GALNT9: variants seen among roughly 807,000 people sequenced by gnomAD.
The protein encoded by GALNT9 is polypeptide N-acetylgalactosaminyltransferase 9, also known as GalNAc transferase 9.
A neutral mutation model predicts 63.1 loss-of-function variants in GALNT9; 47 were observed. The observed-to-expected ratio is 0.75, with a 90% CI of 0.59 to 0.95. The LOEUF (loss-of-function observed/expected upper bound fraction) is 0.95, where lower values mean the gene tolerates loss of function less well. Among genes scored for constraint, GALNT9 ranks in the 40% least tolerant of loss-of-function variants. The pLI, the probability that GALNT9 is intolerant of heterozygous loss-of-function variation, is 0.00. For missense variants in GALNT9, 829 were observed against 874.8 expected (o/e 0.95, Z 0.66); for synonymous variants, 396 against 365.7 (o/e 1.08, Z -0.94).
At chr12:132,297,804 A>T (rs1433479866) in intron 1 of GALNT9, among the ~76,000 whole-genome samples, 1 of 151,770 alleles carries the variant, frequency 6.6e-6, no homozygotes, top group Admixed American at 6.6e-5. Flanking sequence ...ACTCACTCTC[A>T]TAATAACCAA....
Position 132,197,143 on chromosome 12 carries a change from C to T in GALNT9, c.1776G>A (p.Trp592Ter). ...CGTGTTTGATCCAGTTTCTGATCAT[C>T]CACTTCTGCCCCGAGCACCTCTGTA... is the stretch of plus-strand genomic sequence containing the variant. ...LVVQRCSGQKWMIRNWIKHAR... is the reference protein window; with the variant it reads ...LVVQRCSGQK The change falls in exon 11 of 11, where the codon TGG (tryptophan) becomes TGA (stop). Residue 592 changes from tryptophan (W) to a stop codon, truncating the protein, a stop_gained. Coordinates refer to ENST00000328957, the MANE Select transcript of GALNT9 (RefSeq NM_001122636.2). LOFTEE classifies it high-confidence loss of function. 2 of 1,614,152 alleles carry T rather than the reference C, an allele frequency of 1.2e-6. No homozygotes were observed.
At chr12:132,214,388 C>G (rs577155597) in intron 6 of GALNT9, among the ~76,000 whole-genome samples, 1 of 152,312 alleles carries the variant, frequency 6.6e-6, no homozygotes, top group South Asian at 2.1e-4. Context: ...CTCACTAGCC[C>G]GAGAGGCCTG....
At chr12:132,328,476 G>C (rs1233311435) in intron 1 of GALNT9, among the ~76,000 whole-genome samples, 1 of 152,196 alleles carries the variant, frequency 6.6e-6, no homozygotes, top group Non-Finnish European at 1.5e-5. Context: ...CGAAGCATTT[G>C]GGGTGCCTTC....
chr12:132,261,261 G>A, intron 3 of GALNT9, 139 bp from the exon 4 acceptor site: 1 of 1,319,144 alleles, frequency 7.6e-7, no homozygotes, highest in Non-Finnish European at 1.0e-6. Context: ...TGAACCACAT[G>A]TGGTTCAGCG....
At chr12:132,214,596 G>A (rs983786221) in intron 6 of GALNT9, among the ~76,000 whole-genome samples, 4 of 152,208 alleles carry the variant, frequency 2.6e-5, no homozygotes, top group African/African-American at 7.2e-5. Flanking sequence ...CTGCTGAGAC[G>A]ATGGAAGCCA....
At chr12:132,230,395 G>T (rs1190706788) in intron 6 of GALNT9, among the ~76,000 whole-genome samples, 2 of 152,208 alleles carry the variant, frequency 1.3e-5, no homozygotes, top group Non-Finnish European at 2.9e-5. Context: ...AAGGAGCTGG[G>T]GTACAAACCA....
chr12:132,314,747 C>A (rs1868420953), intron 1 of GALNT9, among the ~76,000 whole-genome samples: 1 of 152,192 alleles, frequency 6.6e-6, no homozygotes, highest in African/African-American at 2.4e-5. Flanking sequence ...GTATGGCAGT[C>A]ATTCGGTGAA....
intron 2 of GALNT9, among the ~76,000 whole-genome samples, chr12:132,271,062 C>T (rs73471598): frequency 0.078 from 11,864 of 152,158 alleles, 1,150 homozygotes; most frequent in African/African-American, 0.23. Flanking sequence ...TGCCGCCGTC[C>T]GCTGCTTCTC....
In GALNT9 at chr12:132,197,016, C is replaced by T; in HGVS notation, c.*91G>A. On this transcript the variant is annotated 3_prime_UTR_variant, in exon 11 of 11. Coordinates refer to ENST00000328957, the MANE Select transcript of GALNT9 (RefSeq NM_001122636.2). ...TGGCCGCACATAGAGCCCTGTCCTGCTGTGTCTGCCGGGCACACCCCGGTC... is the reference window on the plus strand; with the variant it reads ...TGGCCGCACATAGAGCCCTGTCCTGTTGTGTCTGCCGGGCACACCCCGGTC... The T allele has an allele frequency of 6.4e-7, 1 of 1,567,374 alleles. No individual in the cohort carries two copies. Among genetic ancestry groups the T allele is most frequent in the Middle Eastern group, 2.1e-4 (1 of 4,672 alleles).
At chr12:132,249,298 T>C (rs1236573107) in intron 5 of GALNT9, among the ~76,000 whole-genome samples, 2 of 152,236 alleles carry the variant, frequency 1.3e-5, no homozygotes, top group African/African-American at 4.8e-5. Flanking sequence ...TGAGCTTCCC[T>C]GATCCTCCTC....
chr12:132,318,862 G>A (rs374912712), intron 1 of GALNT9, among the ~76,000 whole-genome samples: 2 of 152,188 alleles, frequency 1.3e-5, no homozygotes, highest in Non-Finnish European at 2.9e-5. Context: ...CACTCCTCCC[G>A]CCCTCTGCCA....
chr12:132,239,423 GAGAC>G (rs1299495210), intron 6 of GALNT9, among the ~76,000 whole-genome samples: 3 of 151,478 alleles, frequency 2.0e-5, no homozygotes, highest in Admixed American at 6.6e-5. Flanking sequence ...GAGAGACTGA[GAGAC>G]AGAGAGACAG....
chr12:132,198,696 G>A (rs1230835748), intron 9 of GALNT9, among the ~76,000 whole-genome samples: 1 of 152,264 alleles, frequency 6.6e-6, no homozygotes, highest in East Asian at 1.9e-4. Context: ...TCGCTCTGTT[G>A]CCCAGGATGG....
chr12:132,230,779 G>A (rs1306628418), intron 6 of GALNT9, among the ~76,000 whole-genome samples: 1 of 152,248 alleles, frequency 6.6e-6, no homozygotes, highest in South Asian at 2.1e-4. Context: ...ATGTGTTAAC[G>A]GGGTAACAGT....
chr12:132,209,386 A>G (rs1262211832), intron 6 of GALNT9, among the ~76,000 whole-genome samples: 1 of 151,660 alleles, frequency 6.6e-6, no homozygotes, highest in Non-Finnish European at 1.5e-5. Context: ...AAATAAATAA[A>G]TAAAAAATAA....
Position 132,236,325 on chromosome 12 carries a change from G to A in GALNT9, c.1077+11585C>T, listed in dbSNP as rs1306525138. ...GGGGGTCGCGGTGGGCCTGGGTCGG[G>A]GCCAAGGGAGCCACATCCAGTGTGG... On this transcript the variant is annotated intron_variant, in intron 6 of 10. Coordinates refer to ENST00000328957, the MANE Select transcript of GALNT9 (RefSeq NM_001122636.2). The surrounding 1 kb of genome is among the most constrained non-coding windows in gnomAD (Gnocchi z 5.6). Among the ~76,000 whole-genome samples, 1 of 151,704 alleles carries A rather than the reference G, an allele frequency of 6.6e-6. No individual in the cohort carries two copies. Among genetic ancestry groups the A allele is most frequent in the Non-Finnish European group, 1.5e-5 (1 of 67,882 alleles).
At position 132,282,051 on chromosome 12, in the gene GALNT9, C is replaced by T. The variant is rs1466156204; in HGVS notation, c.419+4199G>A. On this transcript the variant is annotated intron_variant, in intron 2 of 10. Coordinates refer to ENST00000328957, the MANE Select transcript of GALNT9 (RefSeq NM_001122636.2). The surrounding 1 kb of genome is among the most constrained non-coding windows in gnomAD (Gnocchi z 4.5). ...GATCCCACAGAGGAGGAATCAGCTCCACTGCAGCAAGCCCAGGCCTGGGGG... is the reference window on the plus strand; with the variant it reads ...GATCCCACAGAGGAGGAATCAGCTCTACTGCAGCAAGCCCAGGCCTGGGGG... 1.4e-5 allele frequency among the ~76,000 whole-genome samples: 2 copies of T among 146,828 alleles called. No individual in the cohort carries two copies. Among genetic ancestry groups the T allele is most frequent in the African/African-American group, 5.2e-5 (2 of 38,578 alleles).
In GALNT9 at chr12:132,327,128, C is replaced by A. The variant is rs1022640516; in HGVS notation, c.238+1838G>T. Among the ~76,000 whole-genome samples the A allele has an allele frequency of 6.6e-6, 1 of 152,060 alleles. No individual in the cohort carries two copies. Among genetic ancestry groups the A allele is most frequent in the African/African-American group, 2.4e-5 (1 of 41,470 alleles). ...ACAGAGGCAGACAGATGGCAGGGGC[C>A]GTTCGGAGAAAGGCTGACAAGGGAG... On this transcript the variant is annotated intron_variant, in intron 1 of 10. Coordinates refer to ENST00000328957, the MANE Select transcript of GALNT9 (RefSeq NM_001122636.2). This position sits in a 1 kb window ranked among gnomAD's most constrained non-coding sequence, Gnocchi z 4.3.
At chr12:132,253,215 G>A (rs1305138215) in intron 5 of GALNT9, among the ~76,000 whole-genome samples, 2 of 152,164 alleles carry the variant, frequency 1.3e-5, no homozygotes, top group Non-Finnish European at 2.9e-5. Flanking sequence ...GACAAGGAGT[G>A]TGACCATTGA....
Sources: allele counts gnomAD v4.1 joint callset (sites outside exome capture counted in the v4.1 genomes callset), GRCh38; gene constraint gnomAD v4.1.1; non-coding constraint Gnocchi (gnomAD v3.1); transcripts MANE v1.5; gene names NCBI Gene and HGNC (gene_info 2026-07-23, HGNC 2026-07-21).